Variants in UBTD1 observed in about 807,000 individuals in gnomAD.
UBTD1 encodes ubiquitin domain containing 1, also known as ubiquitin domain-containing protein 1.
A neutral mutation model predicts 21.7 loss-of-function variants in UBTD1; 19 were observed. The observed-to-expected ratio is 0.87, with a 90% CI of 0.61 to 1.28. The LOEUF is 1.28. UBTD1 is among the 50% of genes most tolerant of loss of function. The pLI, the probability that UBTD1 is intolerant of heterozygous loss-of-function variation, is 0.00. For synonymous variants in UBTD1, 116 were observed against 135.1 expected (o/e 0.86, Z 0.98); for missense variants, 282 against 315.1 (o/e 0.89, Z 0.80).
At chr10:97,500,486 ACT>A (rs1464463170) in intron 1 of UBTD1, among the ~76,000 whole-genome samples, 2 of 152,106 alleles carry the variant, frequency 1.3e-5, no homozygotes, top group African/African-American at 2.4e-5. Context: ...TCTGAAGGTA[ACT>A]CTGGCCATTC....
At chr10:97,514,426 C>T (rs1216330788) in intron 1 of UBTD1, among the ~76,000 whole-genome samples, 1 of 152,216 alleles carries the variant, frequency 6.6e-6, no homozygotes, top group African/African-American at 2.4e-5. Flanking sequence ...AGCATTTCTC[C>T]TCCCCTAGAG....
At chr10:97,558,843 A>G (rs776427107) in intron 1 of UBTD1, among the ~76,000 whole-genome samples, 1 of 152,206 alleles carries the variant, frequency 6.6e-6, no homozygotes, top group Non-Finnish European at 1.5e-5. Context: ...TGAAAGACCT[A>G]TAAGGGGCTT....
rs1322396495 is a variant in UBTD1, at chr10:97,499,227, G to T, written c.24G>T (p.Gln8His). The stretch of plus-strand genomic sequence containing the variant: ...GCATGGGCAACTGCGTGGGGAGACA[G>T]CGCCGGGAGAGGCCGGCAGCCCCGG... MGNCVGR[Q>H]RRERPAAPGH... Residue 8 changes from glutamine to histidine, a missense_variant, in exon 1 of 3, where the codon CAG (glutamine) becomes CAT (histidine). By Grantham distance (24) the Gln-to-His change is conservative. Coordinates refer to ENST00000370664, the MANE Select transcript of UBTD1 (RefSeq NM_024954.5). 2 of 1,548,096 alleles carry T rather than the reference G, an allele frequency of 1.3e-6. No individual in the cohort carries two copies. The highest frequency in any genetic ancestry group is 2.8e-5 in the African/African-American group (2 of 72,688).
At chr10:97,560,305 C>A (rs2040686381) in intron 1 of UBTD1, among the ~76,000 whole-genome samples, 1 of 152,146 alleles carries the variant, frequency 6.6e-6, no homozygotes, top group African/African-American at 2.4e-5. Flanking sequence ...TTAGAAGTTA[C>A]CATAATACAT....
intron 1 of UBTD1, among the ~76,000 whole-genome samples, chr10:97,546,206 G>C (rs367970968): frequency 1.8e-4 from 27 of 152,306 alleles, no homozygotes; most frequent in African/African-American, 5.8e-4. Flanking sequence ...GGGTGACTGT[G>C]GGGTAGTTGG....
intron 1 of UBTD1, among the ~76,000 whole-genome samples, chr10:97,508,272 A>G (rs2040407582): frequency 6.6e-6 from 1 of 152,212 alleles, no homozygotes; most frequent in African/African-American, 2.4e-5. Context: ...GCCAGTGTGT[A>G]GTTTGTCCTC....
chr10:97,530,508 A>ACCC (rs2040524215), intron 1 of UBTD1, among the ~76,000 whole-genome samples: 1 of 152,218 alleles, frequency 6.6e-6, no homozygotes, highest in Non-Finnish European at 1.5e-5. Flanking sequence ...TTATTAGATG[A>ACCC]TTCTGTGTGA....
chr10:97,514,677 C>T (rs2040437181), intron 1 of UBTD1, among the ~76,000 whole-genome samples: 2 of 152,120 alleles, frequency 1.3e-5, no homozygotes, highest in South Asian at 2.1e-4. Context: ...CTTCATTGCC[C>T]TCTCTGTGTA....
At chr10:97,515,771 A>G (rs1049403861) in intron 1 of UBTD1, among the ~76,000 whole-genome samples, 4 of 152,126 alleles carry the variant, frequency 2.6e-5, no homozygotes, top group African/African-American at 9.7e-5. Flanking sequence ...CCCATGGGAG[A>G]AAGAGAGTCT....
At chr10:97,536,426 G>A (rs2040562174) in intron 1 of UBTD1, among the ~76,000 whole-genome samples, 1 of 152,208 alleles carries the variant, frequency 6.6e-6, no homozygotes, top group African/African-American at 2.4e-5. Context: ...CAGGGTGAAG[G>A]AGACTAGAGA....
chr10:97,510,622 A>G (rs1416527549), intron 1 of UBTD1, among the ~76,000 whole-genome samples: 1 of 152,126 alleles, frequency 6.6e-6, no homozygotes, highest in Non-Finnish European at 1.5e-5. Flanking sequence ...TTGATGCTAT[A>G]TTATAGCCAG....
At chr10:97,564,892 C>T (rs2040710272) in intron 1 of UBTD1, among the ~76,000 whole-genome samples, 1 of 152,200 alleles carries the variant, frequency 6.6e-6, no homozygotes, top group East Asian at 1.9e-4. Flanking sequence ...CCCAGACATT[C>T]CTTTCTGTTG....
At chr10:97,501,168 G>C (rs2040374993) in intron 1 of UBTD1, among the ~76,000 whole-genome samples, 2 of 152,224 alleles carry the variant, frequency 1.3e-5, no homozygotes, top group African/African-American at 2.4e-5. Flanking sequence ...GTCTCAGGCT[G>C]AAGTGAGGTA....
chr10:97,499,438 G>T (rs866760742), intron 1 of UBTD1, among the ~76,000 whole-genome samples, 165 bp downstream of exon 1: 23 of 152,248 alleles, frequency 1.5e-4, no homozygotes, highest in Admixed American at 8.5e-4. Flanking sequence ...CCGGGCGGCC[G>T]GGGGAGCTGA....
chr10:97,555,830 G>C (rs1301840842), intron 1 of UBTD1, among the ~76,000 whole-genome samples: 5 of 152,212 alleles, frequency 3.3e-5, no homozygotes, highest in African/African-American at 1.2e-4. Flanking sequence ...GTGGTTTCGG[G>C]CCTGGCGCTG....
At chr10:97,520,623 G>A (rs1051604445) in intron 1 of UBTD1, among the ~76,000 whole-genome samples, 47 of 152,208 alleles carry the variant, frequency 3.1e-4, no homozygotes, top group African/African-American at 1.1e-3. Flanking sequence ...AGACACCTAC[G>A]CTGACACCTG....
At chr10:97,566,615 C>T (rs2040718099) in intron 1 of UBTD1, among the ~76,000 whole-genome samples, 1 of 151,748 alleles carries the variant, frequency 6.6e-6, no homozygotes. Flanking sequence ...AAGGCTACTG[C>T]AAGAATGAAA....
chr10:97,531,824 C>T (rs943382752), intron 1 of UBTD1, among the ~76,000 whole-genome samples: 1 of 152,158 alleles, frequency 6.6e-6, no homozygotes, highest in African/African-American at 2.4e-5. Flanking sequence ...GTTTCCAGGT[C>T]CCCAGGTGAG....
At chr10:97,531,758 C>T (rs796122331) in intron 1 of UBTD1, among the ~76,000 whole-genome samples, 10 of 152,238 alleles carry the variant, frequency 6.6e-5, no homozygotes, top group African/African-American at 2.2e-4. Context: ...GAAACTGTCT[C>T]GTGCCCTTGG....
Sources: gnomAD v4.1 joint callset for allele counts (sites outside exome capture counted in the v4.1 genomes callset) on GRCh38, gnomAD v4.1.1 for gene constraint, MANE v1.5 for transcripts, NCBI Gene and HGNC (gene_info 2026-07-23, HGNC 2026-07-21) for gene names.